EIF3G: variants seen among roughly 807,000 people sequenced by gnomAD.
EIF3G encodes eukaryotic translation initiation factor 3 subunit G, also known as eukaryotic translation initiation factor 3 RNA-binding subunit.
In EIF3G, 10 loss-of-function variants were observed where a neutral mutation model predicts 41.7. That is an observed-to-expected ratio of 0.24 (90% CI 0.15 to 0.41). The LOEUF (loss-of-function observed/expected upper bound fraction) is 0.41. EIF3G is among the 10% of genes least tolerant of loss of function. EIF3G has a pLI of 1.00. For synonymous variants in EIF3G, 204 were observed against 172.5 expected (o/e 1.18, Z -1.43); for missense variants, 297 against 444.0 (o/e 0.67, Z 2.98).
intron 9 of EIF3G, 49 bp from the exon 10 acceptor site, chr19:10,115,634 T>C: frequency 6.2e-7 from 1 of 1,612,018 alleles, no homozygotes; most frequent in South Asian, 1.1e-5. Context: ...CAGGCGACCC[T>C]AGGACAAGTG....
Position 10,119,879 on chromosome 19 carries a change from G to A in EIF3G, c.-20C>T. 1.2e-6 allele frequency: 2 copies of A among 1,614,084 alleles called. No individual in the cohort carries two copies. The highest frequency in any genetic ancestry group is 1.7e-6 in the Non-Finnish European group (2 of 1,180,030). On this transcript the variant is annotated 5_prime_UTR_variant, in exon 1 of 11. Transcript: ENST00000253108. ...AGGCATCGCAAAAAGTATTCTCCAC[G>A]CAGCCCAAGCCCGGCCAGAGAGCGG...
intron 10 of EIF3G, 63 bp downstream of exon 10, chr19:10,115,416 A>C: frequency 6.5e-7 from 1 of 1,527,254 alleles, no homozygotes; most frequent in Non-Finnish European, 8.9e-7. Context: ...GGTTGGCCCA[A>C]CACTCCGTGA....
rs774070581 is a variant in EIF3G at position 10,119,865 on chromosome 19, A to G, written c.-6T>C. 1.2e-6 allele frequency: 2 copies of G among 1,614,168 alleles called. No homozygotes were observed. Among genetic ancestry groups the G allele is most frequent in the South Asian group, 1.1e-5 (1 of 91,082 alleles). On this transcript the variant is annotated 5_prime_UTR_variant, in exon 1 of 11. Transcript: ENST00000253108. Reference sequence around the variant, plus strand: ...TCAAAGTCTCCAGTAGGCATCGCAAAAAGTATTCTCCACGCAGCCCAAGCC... The same window carrying G: ...TCAAAGTCTCCAGTAGGCATCGCAAGAAGTATTCTCCACGCAGCCCAAGCC...
At chr19:10,117,659 C>T (rs2089271213) in intron 5 of EIF3G, 2 of 157,464 alleles carry the variant, frequency 1.3e-5, no homozygotes, top group Admixed American at 6.5e-5. Context: ...ATTAAGTGCA[C>T]AGCAAGCTGT....
Position 10,117,680 on chromosome 19 carries a change from C to A in EIF3G, c.301-492G>T, listed in dbSNP as rs186007277. ...TGCACAGCAAGCTGTTCTAAGTATA[C>A]TTATTGCTAACGCTTCTTCCAAAAA... On this transcript the variant is annotated intron_variant, in intron 5 of 10. Transcript: ENST00000253108. 1.0e-3 allele frequency: 160 copies of A among 154,390 alleles called. 1 individual carries two copies. Among genetic ancestry groups the A allele is most frequent in the Admixed American group, 1.0e-3 (16 of 15,336 alleles). The allele number at this position is 154,390 out of a possible 1,614,324, so 9.6% of individuals were successfully genotyped here.
intron 10 of EIF3G, 24 bp downstream of exon 10, chr19:10,115,455 G>A: frequency 2.5e-6 from 4 of 1,588,962 alleles, no homozygotes; most frequent in Non-Finnish European, 3.4e-6. Flanking sequence ...GGGAGCAGGG[G>A]CTGGGGCAGG....
Position 10,115,185 on chromosome 19 carries a change from G to A in EIF3G, c.948-56C>T, listed in dbSNP as rs1161989807. 3.1e-6 allele frequency: 5 copies of A among 1,606,012 alleles called. No individual in the cohort carries two copies. In the East Asian group the frequency reaches 8.9e-5, roughly 29 times the overall value. On this transcript the variant is annotated intron_variant, in intron 10 of 10. Coordinates refer to ENST00000253108, the MANE Select transcript of EIF3G (RefSeq NM_003755.5). ...CTTCTGGGGGCACCCCAAGACCCCA[G>A]ACACCCAAGTGGCATCTTGGGGGTG... is the stretch of plus-strand genomic sequence containing the variant.
At chr19:10,119,508 G>T in intron 2 of EIF3G, 146 bp downstream of exon 2, 3 of 1,049,646 alleles carry the variant, frequency 2.9e-6, no homozygotes, top group South Asian at 1.4e-5. Flanking sequence ...ACCTGGAGTT[G>T]GCAACAGGCG....
At chr19:10,118,303 C>G (rs914212068) in intron 5 of EIF3G, 9 of 278,086 alleles carry the variant, frequency 3.2e-5, no homozygotes, top group South Asian at 3.2e-4. Flanking sequence ...CGATGGCTCA[C>G]ACCTGTAATC....
intron 5 of EIF3G, 154 bp downstream of exon 5, chr19:10,118,514 G>A (rs775800812): frequency 1.1e-5 from 9 of 794,364 alleles, no homozygotes; most frequent in South Asian, 3.4e-5. Context: ...GCAGTGAGTC[G>A]AGATCGTGCC....
chr19:10,116,238 C>T lies in EIF3G; in HGVS notation c.596-164G>A, dbSNP rs1261232184. ...GGACACCAAGGTGACACCTGAGAAGCTGACACCATTTGAGCTCCCAGCCAG... is the reference window on the plus strand; with the variant it reads ...GGACACCAAGGTGACACCTGAGAAGTTGACACCATTTGAGCTCCCAGCCAG... On this transcript the variant is annotated intron_variant, in intron 7 of 10. Transcript: ENST00000253108. The surrounding 1 kb of genome is among the most constrained non-coding windows in gnomAD (Gnocchi z 4.1). 4 of 665,408 alleles carry T rather than the reference C, an allele frequency of 6.0e-6. No homozygotes were observed. The highest frequency in any genetic ancestry group is 2.8e-5 in the East Asian group (1 of 36,342). The allele number at this position is 665,408 out of a possible 1,614,324, so 41.2% of individuals were successfully genotyped here. A position where few individuals can be genotyped will look rare whatever the true frequency, so the allele number is the denominator to read the frequency against.
intron 1 of EIF3G, 57 bp from the exon 2 acceptor site, chr19:10,119,757 A>C: frequency 6.2e-7 from 1 of 1,613,530 alleles, no homozygotes; most frequent in East Asian, 2.2e-5. Context: ...CGGCTCCCGC[A>C]GCCTCGGCGT....
Position 10,116,122 on chromosome 19 carries a change from T to C in EIF3G, c.596-48A>G. On this transcript the variant is annotated intron_variant, in intron 7 of 10. Transcript: ENST00000253108. This position sits in a 1 kb window ranked among gnomAD's most constrained non-coding sequence, Gnocchi z 4.1. ...GTTCAACCTCACTGTGGCGCAGGCG[T>C]GGGGACAGAGCCGCCCCAGGAAGCT... 1.9e-6 allele frequency: 3 copies of C among 1,575,084 alleles called. No homozygotes were observed. Among genetic ancestry groups the C allele is most frequent in the African/African-American group, 1.3e-5 (1 of 74,268 alleles).
At chr19:10,119,317 A>G in intron 2 of EIF3G, 146 bp from the exon 3 acceptor site, 2 of 956,782 alleles carry the variant, frequency 2.1e-6, no homozygotes, top group African/African-American at 1.6e-5. Flanking sequence ...ACGCACTGGG[A>G]TGGCCCTGTG....
rs1482321430 is a variant in EIF3G at position 10,118,724 on chromosome 19, C to G, written c.244G>C (p.Val82Leu). The G allele has an allele frequency of 6.2e-7, 1 of 1,613,808 alleles. No homozygotes were observed. The highest frequency in any genetic ancestry group is 8.5e-7 in the Non-Finnish European group (1 of 1,179,958). The change falls in exon 5 of 11, where the codon GTC becomes CTC. Residue 82 changes from valine to leucine, a missense_variant. Val to Leu is a conservative substitution (Grantham distance 32). Coordinates refer to ENST00000253108, the MANE Select transcript of EIF3G (RefSeq NM_003755.5). ...CGGGTCTCAATCCTGAAGGTGCGGA[C>G]AATCTGAGGATGGGAGGGGAGAAGG... ...IDEDGKKFKI[V>L]RTFRIETRKA...
At position 10,116,013 on chromosome 19, in the gene EIF3G, G is replaced by A. The variant is rs548473194; in HGVS notation, c.657C>T (p.Arg219=). 2.4e-5 allele frequency: 38 copies of A among 1,613,736 alleles called. No homozygotes were observed. In the Middle Eastern group the frequency reaches 5.0e-4, roughly 21 times the overall value. ...ACTCCCCGCGGCGGCTGGCCCCGTC[G>A]CGCAGGCTCGGCGGCACATACTTCC... ...KTGKYVPPSL[R]DGASRRGESM... The change falls in exon 8 of 11, where the codon CGC becomes CGT. Residue 219 remains arginine (R), a synonymous_variant. Coordinates refer to ENST00000253108, the MANE Select transcript of EIF3G (RefSeq NM_003755.5). The surrounding 1 kb of genome is among the most constrained non-coding windows in gnomAD (Gnocchi z 4.1).
At chr19:10,115,280 G>A in intron 10 of EIF3G, 151 bp from the exon 11 acceptor site, 2 of 1,175,592 alleles carry the variant, frequency 1.7e-6, no homozygotes, top group Non-Finnish European at 2.4e-6. Context: ...TCCAGGCCTG[G>A]TCCACGGACT....
Position 10,118,934 on chromosome 19 carries a change from C to G in EIF3G, c.174G>C (p.Glu58Asp). 1.2e-6 allele frequency: 2 copies of G among 1,614,144 alleles called. No homozygotes were observed. Residue 58 changes from glutamate (E) to aspartate (D), a missense_variant, in exon 4 of 11, where the codon GAG becomes GAC. This residue lies in a region of EIF3G where 147 missense variants were observed against 162.4 expected (regional missense o/e 0.91). Transcript: ENST00000253108. ...LPGAPLPPPK[E>D]VINGNIKTVT... The stretch of plus-strand genomic sequence containing the variant: ...CTGTCTTTATGTTTCCGTTGATGAC[C>G]TCCTTGGGAGGCGGCAGTGGAGCTG...
chr19:10,119,036 GC>G (rs769704768), intron 3 of EIF3G, 51 bp downstream of exon 3: 1 of 1,609,296 alleles, frequency 6.2e-7, no homozygotes, highest in South Asian at 1.1e-5. Flanking sequence ...GGGAGAGGCA[GC>G]CCGGACACCG....
Sources: gnomAD v4.1 joint callset for allele counts on GRCh38, gnomAD v4.1.1 for gene constraint, gnomAD v4.1.1 regional missense constraint, Gnocchi (gnomAD v3.1) non-coding constraint, MANE v1.5 for transcripts, NCBI Gene and HGNC (gene_info 2026-07-23, HGNC 2026-07-21) for gene names.